The following ESRRG variants were observed in gnomAD, a reference collection of about 807,000 sequenced individuals.
ESRRG encodes estrogen-related receptor gamma.
Under a neutral mutation model 44.0 loss-of-function variants are expected in ESRRG, and 13 were observed. The ratio of observed to expected loss-of-function variants is 0.30; its 90% CI spans 0.19 to 0.47. ESRRG has a LOEUF of 0.47. ESRRG is among the 20% of genes least tolerant of loss of function. The pLI is 1.00. For missense variants in ESRRG, 395 were observed against 580.6 expected (o/e 0.68, Z 3.29); for synonymous variants, 215 against 214.6 (o/e 1.00, Z -0.02).
intron 2 of ESRRG, among the ~76,000 whole-genome samples, chr1:216,759,467 G>A (rs909308359): frequency 4.6e-5 from 7 of 151,896 alleles, no homozygotes; most frequent in Admixed American, 6.6e-5. Context: ...TTCACTCAAG[G>A]CCTTTAAACC....
intron 2 of ESRRG, among the ~76,000 whole-genome samples, chr1:216,904,620 G>A (rs994133203): frequency 1.3e-5 from 2 of 152,134 alleles, no homozygotes; most frequent in Non-Finnish European, 2.9e-5. Context: ...CCTAAGAGGA[G>A]GGGCAACACA....
intron 2 of ESRRG, 74 bp downstream of exon 2, chr1:216,677,002 T>C (rs1255496581): frequency 2.8e-6 from 3 of 1,087,194 alleles, no homozygotes; most frequent in Non-Finnish European, 4.1e-6. Context: ...CTTATGAGAA[T>C]AAGAATAAGG....
At chr1:216,855,539 G>C (rs2576252) in intron 2 of ESRRG, among the ~76,000 whole-genome samples, 71,294 of 152,056 alleles carry the variant, frequency 0.47, 18,490 homozygotes, top group African/African-American at 0.7. Context: ...AGCTAAAGTG[G>C]AAAACAAAAT....
intron 1 of ESRRG, among the ~76,000 whole-genome samples, chr1:217,112,664 A>T (rs534690805): frequency 6.6e-6 from 1 of 152,348 alleles, no homozygotes; most frequent in Non-Finnish European, 1.5e-5. Flanking sequence ...ATTACAAAGG[A>T]TCTAGGATTT....
At chr1:217,005,637 A>G (rs1416316588) in intron 1 of ESRRG, among the ~76,000 whole-genome samples, 1 of 152,068 alleles carries the variant, frequency 6.6e-6, no homozygotes, top group East Asian at 1.9e-4. Flanking sequence ...CTCCAAAGAT[A>G]ACCTCACATT....
intron 1 of ESRRG, among the ~76,000 whole-genome samples, chr1:217,017,284 C>T (rs1016670318): frequency 2.0e-5 from 3 of 151,878 alleles, no homozygotes; most frequent in Non-Finnish European, 2.9e-5. Context: ...GTGAAAGTTA[C>T]CAATACACAA....
chr1:217,003,555 A>C (rs1365101369), intron 1 of ESRRG, among the ~76,000 whole-genome samples: 1 of 132,610 alleles, frequency 7.5e-6, no homozygotes, highest in Non-Finnish European at 1.6e-5. Context: ...TAGGCTTGAA[A>C]TATTAGTATT....
chr1:216,551,352 G>C (rs2056287939), intron 5 of ESRRG, among the ~76,000 whole-genome samples: 1 of 151,980 alleles, frequency 6.6e-6, no homozygotes, highest in Non-Finnish European at 1.5e-5. Flanking sequence ...AAAGTGTTTA[G>C]GAAAATGTCA....
chr1:216,548,987 G>A (rs1217510461), intron 5 of ESRRG, among the ~76,000 whole-genome samples: 1 of 152,108 alleles, frequency 6.6e-6, no homozygotes, highest in Admixed American at 6.6e-5. Context: ...CAGGCCAAAT[G>A]ATTGGTACTG....
At chr1:216,970,995 T>C (rs2071531782) in intron 1 of ESRRG, among the ~76,000 whole-genome samples, 1 of 152,154 alleles carries the variant, frequency 6.6e-6, no homozygotes, top group South Asian at 2.1e-4. Flanking sequence ...CAGCCCTACA[T>C]GGGGGTGTGG....
chr1:216,847,114 T>A (rs1203333622), intron 2 of ESRRG, among the ~76,000 whole-genome samples: 1 of 152,072 alleles, frequency 6.6e-6, no homozygotes. Context: ...GTATTATGAT[T>A]ACTGCTTAGG....
intron 1 of ESRRG, among the ~76,000 whole-genome samples, chr1:217,048,829 C>A (rs1413066096): frequency 6.6e-6 from 1 of 152,168 alleles, no homozygotes; most frequent in Non-Finnish European, 1.5e-5. Flanking sequence ...TTCAACTCTG[C>A]AACATACCCT....
At chr1:216,797,331 A>G (rs1299318448) in intron 2 of ESRRG, among the ~76,000 whole-genome samples, 1 of 152,116 alleles carries the variant, frequency 6.6e-6, no homozygotes. Context: ...TCAGGATCCC[A>G]CCGAGGATGA....
At chr1:216,671,944 G>A (rs1303202685) in intron 2 of ESRRG, among the ~76,000 whole-genome samples, 2 of 151,872 alleles carry the variant, frequency 1.3e-5, no homozygotes, top group African/African-American at 4.8e-5. Context: ...TGGGTATAAG[G>A]ATGTTTTCCT....
At chr1:216,521,872 C>T (rs777989606) in intron 5 of ESRRG, among the ~76,000 whole-genome samples, 11 of 152,004 alleles carry the variant, frequency 7.2e-5, no homozygotes, top group Non-Finnish European at 1.0e-4. Flanking sequence ...TACAAATCTA[C>T]GTTCTCATGG....
intron 2 of ESRRG, among the ~76,000 whole-genome samples, chr1:216,672,073 G>A (rs1186308580): frequency 1.3e-5 from 2 of 150,374 alleles, no homozygotes; most frequent in Admixed American, 1.3e-4. Context: ...AGGGAAAGAA[G>A]GCAGACTCCA....
intron 5 of ESRRG, among the ~76,000 whole-genome samples, chr1:216,528,084 CA>C (rs1156970787): frequency 6.6e-6 from 1 of 152,114 alleles, no homozygotes; most frequent in Non-Finnish European, 1.5e-5. Flanking sequence ...GACTGGCTTT[CA>C]AAAAGATGCG....
intron 1 of ESRRG, among the ~76,000 whole-genome samples, chr1:217,118,969 G>T (rs112716105): frequency 3.9e-5 from 6 of 151,982 alleles, no homozygotes; most frequent in African/African-American, 1.4e-4. Context: ...CTCCAGCCTG[G>T]GTGACAGAGT....
chr1:216,510,804 G>A (rs1276706046), intron 6 of ESRRG, among the ~76,000 whole-genome samples: 1 of 152,126 alleles, frequency 6.6e-6, no homozygotes, highest in African/African-American at 2.4e-5. Context: ...AACCCGGGAG[G>A]CGGAGATGGC....
Sources: gnomAD v4.1 joint callset for allele counts (sites outside exome capture counted in the v4.1 genomes callset) on GRCh38, gnomAD v4.1.1 for gene constraint, MANE v1.5 for transcripts, NCBI Gene and HGNC (gene_info 2026-07-23, HGNC 2026-07-21) for gene names.